PTPRD: variants seen among roughly 807,000 people sequenced by gnomAD.
PTPRD encodes receptor-type tyrosine-protein phosphatase delta.
Under a neutral mutation model 214.5 loss-of-function variants are expected in PTPRD, and 34 were observed. The observed-to-expected ratio is 0.16, with a 90% confidence interval of 0.12 to 0.21. The LOEUF (loss-of-function observed/expected upper bound fraction) is 0.21. PTPRD is among the 10% of genes least tolerant of loss of function. PTPRD has a pLI of 1.00. For synonymous variants in PTPRD, 1,128 were observed against 845.7 expected (o/e 1.33, Z -5.79); for missense variants, 2,545 against 2,398.7 (o/e 1.06, Z -1.27).
intron 9 of PTPRD, among the ~76,000 whole-genome samples, chr9:9,353,901 T>C (rs577204733): frequency 1.4e-3 from 216 of 151,930 alleles, no homozygotes; most frequent in African/African-American, 4.9e-3. Flanking sequence ...CTGTGAGTCA[T>C]CTAGAAGCTC....
intron 3 of PTPRD, among the ~76,000 whole-genome samples, chr9:10,115,563 A>C (rs2098723900): frequency 6.6e-6 from 1 of 152,090 alleles, no homozygotes; most frequent in Non-Finnish European, 1.5e-5. Flanking sequence ...AACTATACTC[A>C]CTTTCAAGGT....
chr9:9,580,852 A>C (rs994312726), intron 7 of PTPRD, among the ~76,000 whole-genome samples: 3 of 151,714 alleles, frequency 2.0e-5, no homozygotes, highest in Non-Finnish European at 4.4e-5. Flanking sequence ...CCCAGCCCTT[A>C]GCCTACTTTT....
chr9:9,061,788 T>C (rs1323495876), intron 10 of PTPRD, among the ~76,000 whole-genome samples: 1 of 152,198 alleles, frequency 6.6e-6, no homozygotes, highest in Non-Finnish European at 1.5e-5. Context: ...TTTGCCTCTG[T>C]GTACATTTCT....
At chr9:9,410,959 G>T (rs549908974) in intron 8 of PTPRD, among the ~76,000 whole-genome samples, 1 of 152,080 alleles carries the variant, frequency 6.6e-6, no homozygotes, top group Non-Finnish European at 1.5e-5. Flanking sequence ...ATAAGTGTGG[G>T]CGCGTGCCTG....
intron 10 of PTPRD, among the ~76,000 whole-genome samples, chr9:9,055,693 T>G (rs1480819513): frequency 6.6e-6 from 1 of 151,740 alleles, no homozygotes; most frequent in East Asian, 1.9e-4. Flanking sequence ...GTGAGAAATT[T>G]GTGCATATGT....
intron 3 of PTPRD, among the ~76,000 whole-genome samples, chr9:10,136,267 C>T (rs1184700050): frequency 6.6e-6 from 1 of 152,050 alleles, no homozygotes; most frequent in African/African-American, 2.4e-5. Context: ...AAGATTTAGA[C>T]AGCTGCACAA....
chr9:9,531,590 C>A (rs936668008), intron 8 of PTPRD, among the ~76,000 whole-genome samples: 1 of 152,060 alleles, frequency 6.6e-6, no homozygotes, highest in South Asian at 2.1e-4. Flanking sequence ...TAGCATGTAT[C>A]GGTATCTCAT....
chr9:10,506,700 G>C (rs1216112033), intron 2 of PTPRD, among the ~76,000 whole-genome samples: 2 of 152,090 alleles, frequency 1.3e-5, no homozygotes, highest in East Asian at 3.8e-4. Context: ...GGGAGCCACA[G>C]TTTCCTGCAA....
chr9:8,933,005 C>T (rs549863568), intron 11 of PTPRD, among the ~76,000 whole-genome samples: 1 of 152,052 alleles, frequency 6.6e-6, no homozygotes, highest in Non-Finnish European at 1.5e-5. Context: ...GTGTAGGCAC[C>T]AGAGAGAATC....
chr9:10,085,921 A>G (rs2098330252), intron 3 of PTPRD, among the ~76,000 whole-genome samples: 1 of 151,862 alleles, frequency 6.6e-6, no homozygotes, highest in Admixed American at 6.6e-5. Flanking sequence ...TCTCTGATCC[A>G]TGAAATCTAA....
intron 3 of PTPRD, among the ~76,000 whole-genome samples, chr9:10,144,928 C>T (rs913193140): frequency 6.6e-6 from 1 of 151,878 alleles, no homozygotes; most frequent in African/African-American, 2.4e-5. Context: ...TGTACTATAA[C>T]TCAACCAACA....
At chr9:9,280,382 A>G (rs895868506) in intron 9 of PTPRD, among the ~76,000 whole-genome samples, 1 of 151,286 alleles carries the variant, frequency 6.6e-6, no homozygotes, top group African/African-American at 2.4e-5. Context: ...GAAAATCCAA[A>G]ATAATCTACA....
At chr9:10,436,237 T>A (rs1467930984) in intron 2 of PTPRD, among the ~76,000 whole-genome samples, 1 of 151,838 alleles carries the variant, frequency 6.6e-6, no homozygotes, top group Non-Finnish European at 1.5e-5. Flanking sequence ...TATATAGACA[T>A]TGATATATGT....
intron 11 of PTPRD, among the ~76,000 whole-genome samples, chr9:8,985,859 T>A (rs1403986857): frequency 6.6e-6 from 1 of 152,088 alleles, no homozygotes; most frequent in Non-Finnish European, 1.5e-5. Context: ...CATGCACACC[T>A]AATTAAAGCA....
intron 10 of PTPRD, among the ~76,000 whole-genome samples, chr9:9,065,862 C>T (rs1478335564): frequency 6.6e-6 from 1 of 151,986 alleles, no homozygotes; most frequent in African/African-American, 2.4e-5. Flanking sequence ...TCCATTTAAC[C>T]TCACCAATCT....
rs138975471 is a variant in PTPRD, at chr9:8,515,684, T to C, written c.1543+2164A>G. On this transcript the variant is annotated intron_variant, in intron 21 of 45. Transcript: ENST00000381196. Reference sequence around the variant, plus strand: ...TCTACATGTCATGGTACAGCAAAGATTGCCAGCAAACCAACCAACAGAAGT... The same window carrying C: ...TCTACATGTCATGGTACAGCAAAGACTGCCAGCAAACCAACCAACAGAAGT... 1.8e-4 allele frequency among the ~76,000 whole-genome samples: 28 copies of C among 152,248 alleles called. No homozygotes were observed. The East Asian group carries it at 2.3e-3, about 13-fold the overall frequency.
At chr9:9,198,895 T>G (rs2132194448) in intron 9 of PTPRD, among the ~76,000 whole-genome samples, 1 of 152,350 alleles carries the variant, frequency 6.6e-6, no homozygotes, top group East Asian at 1.9e-4. Flanking sequence ...ATGGAAGGTC[T>G]GCTTTTGATT....
intron 10 of PTPRD, among the ~76,000 whole-genome samples, chr9:9,023,591 A>C (rs1206185591): frequency 6.6e-6 from 1 of 152,000 alleles, no homozygotes; most frequent in Non-Finnish European, 1.5e-5. Context: ...GGTTTGTTAC[A>C]GGGGTATATC....
intron 2 of PTPRD, among the ~76,000 whole-genome samples, chr9:10,383,784 C>G (rs773115957): frequency 6.6e-6 from 1 of 151,778 alleles, no homozygotes; most frequent in East Asian, 1.9e-4. Context: ...AAACGTCTGA[C>G]TCTAATCATA....
Sources: gnomAD v4.1 joint callset for allele counts (sites outside exome capture counted in the v4.1 genomes callset) on GRCh38, gnomAD v4.1.1 for gene constraint, MANE v1.5 for transcripts, NCBI Gene and HGNC (gene_info 2026-07-23, HGNC 2026-07-21) for gene names.